Variants in SPAG16 observed in about 807,000 individuals in gnomAD.
The protein encoded by SPAG16 is sperm associated antigen 16, also known as sperm-associated antigen 16 protein.
SPAG16 carries 86 observed loss-of-function variants against 80.4 expected under a neutral mutation model. That is an observed-to-expected ratio of 1.07 (90% CI 0.90 to 1.28). The LOEUF is 1.28. Among genes scored for constraint, SPAG16 ranks in the 50% most tolerant of loss-of-function variants. The pLI is 0.00. For synonymous variants in SPAG16, 294 were observed against 265.9 expected, an observed-to-expected ratio of 1.11 and a Z score of -1.03; for missense variants, 870 against 765.3, an observed-to-expected ratio of 1.14 and a Z score of -1.61.
chr2:213,663,344 G>C (rs958346469), intron 10 of SPAG16, among the ~76,000 whole-genome samples: 1 of 151,966 alleles, frequency 6.6e-6, no homozygotes. Flanking sequence ...TTTTGTTAAT[G>C]TGAAAGCGTT....
At chr2:213,709,497 G>A (rs2065893306) in intron 10 of SPAG16, among the ~76,000 whole-genome samples, 1 of 152,100 alleles carries the variant, frequency 6.6e-6, no homozygotes, top group African/African-American at 2.4e-5. Flanking sequence ...TATGTTTCAT[G>A]TACCTATGAT....
chr2:213,435,413 A>G (rs933248422), intron 9 of SPAG16, among the ~76,000 whole-genome samples: 9 of 152,156 alleles, frequency 5.9e-5, no homozygotes, highest in Admixed American at 2.6e-4. Flanking sequence ...GGTGAGGGAC[A>G]AGAAATTACT....
At chr2:213,980,847 T>C (rs1283132704) in intron 12 of SPAG16, among the ~76,000 whole-genome samples, 3 of 145,046 alleles carry the variant, frequency 2.1e-5, no homozygotes, top group Non-Finnish European at 4.5e-5. Context: ...AGGCGGAGGT[T>C]GCAGTGAGCC....
At chr2:213,667,190 C>T (rs1207518736) in intron 10 of SPAG16, among the ~76,000 whole-genome samples, 1 of 152,104 alleles carries the variant, frequency 6.6e-6, no homozygotes, top group Non-Finnish European at 1.5e-5. Flanking sequence ...GTATCAGTCA[C>T]GGACTGGAAC....
chr2:214,338,813 C>G (rs1187733480), intron 15 of SPAG16, among the ~76,000 whole-genome samples: 1 of 152,150 alleles, frequency 6.6e-6, no homozygotes, highest in Non-Finnish European at 1.5e-5. Context: ...GTGCCTCTGT[C>G]CCAATGTATA....
intron 10 of SPAG16, among the ~76,000 whole-genome samples, chr2:213,751,197 A>G (rs1049187533): frequency 6.6e-6 from 1 of 152,006 alleles, no homozygotes; most frequent in Non-Finnish European, 1.5e-5. Context: ...TTTATTTACT[A>G]TAGTTGCTGC....
At chr2:214,107,443 G>T (rs1427041204) in intron 13 of SPAG16, among the ~76,000 whole-genome samples, 1 of 152,082 alleles carries the variant, frequency 6.6e-6, no homozygotes, top group Non-Finnish European at 1.5e-5. Context: ...CAGAATTTGG[G>T]TTATTTCCCT....
At chr2:213,604,280 CTTCAAT>C (rs2061175285) in intron 10 of SPAG16, among the ~76,000 whole-genome samples, 1 of 152,172 alleles carries the variant, frequency 6.6e-6, no homozygotes, top group Admixed American at 6.5e-5. Flanking sequence ...TGTCATTTCC[CTTCAAT>C]TTCTGAAGCT....
intron 9 of SPAG16, among the ~76,000 whole-genome samples, chr2:213,405,723 G>A (rs1331441949): frequency 6.6e-6 from 1 of 152,144 alleles, no homozygotes; most frequent in Non-Finnish European, 1.5e-5. Context: ...GTGAGAATAA[G>A]CGATATTTGT....
intron 15 of SPAG16, among the ~76,000 whole-genome samples, chr2:214,337,658 T>C (rs565670670): frequency 5.3e-5 from 8 of 152,300 alleles, no homozygotes; most frequent in African/African-American, 1.9e-4. Flanking sequence ...CTATAGGGGA[T>C]GATCCAATGC....
At chr2:214,131,736 A>G (rs1328941456) in intron 14 of SPAG16, among the ~76,000 whole-genome samples, 1 of 152,214 alleles carries the variant, frequency 6.6e-6, no homozygotes, top group African/African-American at 2.4e-5. Context: ...GACTCCAACT[A>G]TGTGACATTC....
intron 15 of SPAG16, among the ~76,000 whole-genome samples, chr2:214,324,854 T>A (rs1312254865): frequency 1.5e-4 from 23 of 152,128 alleles, no homozygotes; most frequent in Admixed American, 1.5e-3. Flanking sequence ...GTTTGTCAAA[T>A]TTATTTTGCA....
intron 13 of SPAG16, among the ~76,000 whole-genome samples, chr2:214,072,664 C>A (rs1161668840): frequency 6.6e-6 from 1 of 151,938 alleles, no homozygotes; most frequent in Non-Finnish European, 1.5e-5. Flanking sequence ...GAAATGAAAG[C>A]ATTTGAAAAT....
intron 7 of SPAG16, among the ~76,000 whole-genome samples, chr2:213,359,183 C>T (rs778883705): frequency 3.4e-4 from 52 of 152,194 alleles, no homozygotes; most frequent in Non-Finnish European, 6.9e-4. Context: ...TATGAGGTAT[C>T]AGTCGGCCCC....
At chr2:213,443,002 T>A (rs1455174700) in intron 9 of SPAG16, among the ~76,000 whole-genome samples, 2 of 152,172 alleles carry the variant, frequency 1.3e-5, no homozygotes, top group Non-Finnish European at 2.9e-5. Flanking sequence ...AGGAGACATA[T>A]CTGATAAAGG....
chr2:213,562,923 A>G (rs2059639363), intron 10 of SPAG16, among the ~76,000 whole-genome samples: 1 of 152,194 alleles, frequency 6.6e-6, no homozygotes, highest in African/African-American at 2.4e-5. Context: ...CACTAATACC[A>G]TTCATGAGGG....
At chr2:213,554,570 G>T (rs1247099673) in intron 10 of SPAG16, among the ~76,000 whole-genome samples, 4 of 152,048 alleles carry the variant, frequency 2.6e-5, no homozygotes, top group Non-Finnish European at 5.9e-5. Context: ...CAAAATAATT[G>T]TTTTATGGAA....
intron 13 of SPAG16, among the ~76,000 whole-genome samples, chr2:214,081,522 C>G (rs374643750): frequency 6.6e-6 from 1 of 152,036 alleles, no homozygotes; most frequent in African/African-American, 2.4e-5. Flanking sequence ...AGACAGAGGC[C>G]GAGATTGTAA....
intron 15 of SPAG16, among the ~76,000 whole-genome samples, chr2:214,400,628 G>GT (rs1426613507): frequency 2.0e-5 from 3 of 151,940 alleles, no homozygotes; most frequent in Non-Finnish European, 4.4e-5. Context: ...ACTTATATTT[G>GT]TTTAAAACCA....
Sources: allele counts gnomAD v4.1 joint callset (sites outside exome capture counted in the v4.1 genomes callset), GRCh38; gene constraint gnomAD v4.1.1; transcripts MANE v1.5; gene names NCBI Gene and HGNC (gene_info 2026-07-23, HGNC 2026-07-21).